DROSHA: variants seen among roughly 807,000 people sequenced by gnomAD.
DROSHA encodes the protein drosha ribonuclease III.
Under a neutral mutation model 181.9 loss-of-function variants are expected in DROSHA, and 56 were observed. That is an observed-to-expected ratio of 0.31 (90% CI 0.25 to 0.38). The LOEUF (loss-of-function observed/expected upper bound fraction) is 0.38, where lower values mean the gene tolerates loss of function less well. Among genes scored for constraint, DROSHA ranks in the 10% least tolerant of loss-of-function variants. The pLI is 1.00. For missense variants in DROSHA, 1,218 were observed against 1,743.5 expected, an observed-to-expected ratio of 0.70 and a Z score of 5.37; for synonymous variants, 524 against 591.2, an observed-to-expected ratio of 0.89 and a Z score of 1.65.
chr5:31,460,822 T>C (rs752317581), intron 20 of DROSHA, among the ~76,000 whole-genome samples: 9 of 152,172 alleles, frequency 5.9e-5, no homozygotes, highest in Non-Finnish European at 1.3e-4. Context: ...CACCAGCTTA[T>C]GTGAGGAAAA....
chr5:31,498,628 T>G (rs1753260163), intron 11 of DROSHA, among the ~76,000 whole-genome samples: 1 of 151,728 alleles, frequency 6.6e-6, no homozygotes, highest in Non-Finnish European at 1.5e-5. Context: ...GAGGCCAAGG[T>G]GGGCAGATCG....
At chr5:31,403,691 T>C (rs913132275) in intron 35 of DROSHA, among the ~76,000 whole-genome samples, 3 of 152,140 alleles carry the variant, frequency 2.0e-5, no homozygotes, top group African/African-American at 7.2e-5. Context: ...ACCCATTAAA[T>C]AGACACATCC....
chr5:31,524,820 A>T (rs1383327686), intron 5 of DROSHA, among the ~76,000 whole-genome samples: 1 of 152,252 alleles, frequency 6.6e-6, no homozygotes, highest in Admixed American at 6.5e-5. Context: ...GAAAAAAGAA[A>T]TGTAATATAG....
chr5:31,452,046 C>A (rs186883943), intron 20 of DROSHA, among the ~76,000 whole-genome samples: 36 of 152,338 alleles, frequency 2.4e-4, no homozygotes, highest in Admixed American at 1.6e-3. Context: ...TTAGGAATAG[C>A]CCTGGTTCTA....
At chr5:31,508,838 C>G in intron 9 of DROSHA, 63 bp from the exon 10 acceptor site, 3 of 1,415,678 alleles carry the variant, frequency 2.1e-6, no homozygotes, top group Non-Finnish European at 2.8e-6. Flanking sequence ...TTTTTTTTTT[C>G]CCTGAGTTGG....
intron 11 of DROSHA, among the ~76,000 whole-genome samples, chr5:31,503,222 G>A (rs1737509312): frequency 6.6e-6 from 1 of 152,186 alleles, no homozygotes; most frequent in South Asian, 2.1e-4. Context: ...GTAGCAGAGA[G>A]GAGGCTTCAC....
Position 31,515,099 on chromosome 5 carries a change from C to T in DROSHA, c.1179G>A (p.Glu393=). ...CCTCATTCTTGTCAGGCATGGTCTC[C>T]TCGGGCTCTTTTTCCTTGATTGAGG... ...NYTSIKEKEP[E]ETMPDKNEEE... The change falls in exon 8 of 36, where the codon GAG becomes GAA. Residue 393 remains glutamate (E), a synonymous_variant. Transcript: ENST00000344624. The T allele has an allele frequency of 6.2e-7, 1 of 1,613,956 alleles. No individual in the cohort carries two copies. The highest frequency in any genetic ancestry group is 8.5e-7 in the Non-Finnish European group (1 of 1,179,890).
intron 5 of DROSHA, among the ~76,000 whole-genome samples, chr5:31,521,763 A>C (rs1423376651): frequency 2.0e-5 from 3 of 151,994 alleles, no homozygotes; most frequent in Admixed American, 2.0e-4. Context: ...TTTCATCTGG[A>C]AAAAAAACTA....
intron 15 of DROSHA, among the ~76,000 whole-genome samples, chr5:31,484,380 CAAAAAAAAAAAAAAAA>C (rs377304788): frequency 6.0e-5 from 5 of 82,986 alleles, no homozygotes; most frequent in South Asian, 4.2e-4. Flanking sequence ...GACTCCGTCT[CAAAAAAAAAAAAAAAA>C]AAAAAAAAAA....
At chr5:31,415,562 G>C (rs1026250930) in intron 30 of DROSHA, among the ~76,000 whole-genome samples, 1 of 152,148 alleles carries the variant, frequency 6.6e-6, no homozygotes, top group African/African-American at 2.4e-5. Context: ...CATCAGGGCA[G>C]GATTAGATCA....
intron 21 of DROSHA, among the ~76,000 whole-genome samples, chr5:31,449,673 G>A (rs1255640887): frequency 6.6e-6 from 1 of 152,132 alleles, no homozygotes; most frequent in Non-Finnish European, 1.5e-5. Flanking sequence ...GCTGCAGTGA[G>A]CTATGATCAT....
intron 16 of DROSHA, among the ~76,000 whole-genome samples, chr5:31,475,459 A>G (rs1250511613): frequency 6.6e-6 from 1 of 152,196 alleles, no homozygotes; most frequent in African/African-American, 2.4e-5. Flanking sequence ...CATGATAATC[A>G]CCAATTTTCT....
intron 12 of DROSHA, among the ~76,000 whole-genome samples, chr5:31,495,039 C>A (rs1203718356): frequency 6.6e-6 from 1 of 152,134 alleles, no homozygotes; most frequent in East Asian, 1.9e-4. Context: ...ATAGCTCCAA[C>A]ATTGTTGGCT....
At chr5:31,462,032 G>C (rs1297826886) in intron 20 of DROSHA, among the ~76,000 whole-genome samples, 3 of 152,086 alleles carry the variant, frequency 2.0e-5, no homozygotes, top group Non-Finnish European at 4.4e-5. Context: ...CCAAAGTACA[G>C]GGTTTTTTGG....
intron 33 of DROSHA, chr5:31,407,146 A>G (rs1740745490): frequency 2.8e-6 from 1 of 353,380 alleles, no homozygotes; most frequent in African/African-American, 2.1e-5. Flanking sequence ...TGAAATAGAA[A>G]TTTTTAAAAA....
In DROSHA at chr5:31,462,663, T is replaced by A. The variant is rs145898368; in HGVS notation, c.2574+1573A>T. Among the ~76,000 whole-genome samples the A allele has an allele frequency of 6.3e-3, 864 of 136,854 alleles. 9 individuals are homozygous for A. Among genetic ancestry groups the A allele is most frequent in the African/African-American group, 0.023 (829 of 36,604 alleles). The allele number at this position is 136,854 out of a possible 152,430, so 89.8% of individuals were successfully genotyped here. On this transcript the variant is annotated intron_variant, in intron 20 of 35. Coordinates refer to ENST00000344624, the MANE Select transcript of DROSHA (RefSeq NM_001382508.1). ...AAAAAGAAAAAAAAAGGCTCAATGC[T>A]TCAGAAAAAAAAAAAAAAGATACTG...
intron 11 of DROSHA, among the ~76,000 whole-genome samples, chr5:31,500,210 T>G (rs527906247): frequency 2.6e-5 from 4 of 152,292 alleles, no homozygotes; most frequent in African/African-American, 9.6e-5. Context: ...ATTGGGGTCA[T>G]TTCAGGGCCC....
intron 13 of DROSHA, 56 bp downstream of exon 13, chr5:31,493,151 G>C (rs775697466): frequency 7.3e-6 from 11 of 1,512,200 alleles, no homozygotes; most frequent in Non-Finnish European, 9.9e-6. Context: ...CTTTTGGAAA[G>C]AAGGGATGAA....
intron 30 of DROSHA, among the ~76,000 whole-genome samples, chr5:31,414,944 T>G (rs1020715436): frequency 6.6e-6 from 1 of 152,224 alleles, no homozygotes; most frequent in African/African-American, 2.4e-5. Flanking sequence ...ATTAAAGCTC[T>G]CTGTAAACCT....
Sources: gnomAD v4.1 joint callset for allele counts (sites outside exome capture counted in the v4.1 genomes callset) on GRCh38, gnomAD v4.1.1 for gene constraint, MANE v1.5 for transcripts, NCBI Gene and HGNC (gene_info 2026-07-23, HGNC 2026-07-21) for gene names.